The following ADAMTS3 variants were observed in gnomAD, a reference collection of about 807,000 sequenced individuals.
ADAMTS3 encodes the protein A disintegrin and metalloproteinase with thrombospondin motifs 3.
ADAMTS3 carries 73 observed loss-of-function variants against 129.0 expected under a neutral mutation model. That is an observed-to-expected ratio of 0.57 (90% CI 0.47 to 0.69). The LOEUF is 0.69. Among genes scored for constraint, ADAMTS3 ranks in the 30% least tolerant of loss-of-function variants. The probability of loss-of-function intolerance (pLI) is 0.00; values close to 1 mark genes in which losing one functional copy is unlikely to be tolerated. For synonymous variants in ADAMTS3, 477 were observed against 510.8 expected, an observed-to-expected ratio of 0.93 and a Z score of 0.89; for missense variants, 1,457 against 1,514.5, an observed-to-expected ratio of 0.96 and a Z score of 0.63.
intron 4 of ADAMTS3, among the ~76,000 whole-genome samples, chr4:72,367,657 T>C (rs1720901695): frequency 6.6e-6 from 1 of 152,140 alleles, no homozygotes; most frequent in Non-Finnish European, 1.5e-5. Context: ...AAGACCATCC[T>C]GGCTAACATG....
At position 72,283,242 on chromosome 4, in the gene ADAMTS3, G is replaced by A. The variant is rs1188405174; in HGVS notation, c.3512C>T (p.Ala1171Val). The A allele has an allele frequency of 2.5e-6, 4 of 1,614,008 alleles. No homozygotes were observed. The highest frequency in any genetic ancestry group is 2.2e-5 in the East Asian group (1 of 44,862). The change falls in exon 22 of 22, where the codon GCA becomes GTA. Residue 1171 changes from alanine (A) to valine (V), a missense_variant. Physicochemically the swap from Ala to Val is moderately conservative, Grantham distance 64. Transcript: ENST00000286657. ...AGAAGCACCTATTGAATCACTGGCT[G>A]CAAAGAAGGAAGCAGCAGCCATTTG... ...ASQMAAASFF[A>V]ASDSIGASSQ...
At chr4:72,350,991 T>C (rs1402823548) in intron 4 of ADAMTS3, among the ~76,000 whole-genome samples, 1 of 151,900 alleles carries the variant, frequency 6.6e-6, no homozygotes, top group African/African-American at 2.4e-5. Flanking sequence ...AGCTCTGGCT[T>C]CTCAACTCTG....
At chr4:72,554,632 A>T (rs1160471436) in intron 2 of ADAMTS3, among the ~76,000 whole-genome samples, 1 of 149,410 alleles carries the variant, frequency 6.7e-6, no homozygotes, top group Non-Finnish European at 1.5e-5. Flanking sequence ...ATATGACATC[A>T]TTCAAGTCCT....
chr4:72,480,466 G>A (rs1179949389), intron 3 of ADAMTS3, among the ~76,000 whole-genome samples: 1 of 151,586 alleles, frequency 6.6e-6, no homozygotes, highest in Non-Finnish European at 1.5e-5. Context: ...AACACCACAT[G>A]TTCTCAATCA....
At chr4:72,358,145 TG>T (rs1291088187) in intron 4 of ADAMTS3, among the ~76,000 whole-genome samples, 2 of 151,978 alleles carry the variant, frequency 1.3e-5, no homozygotes, top group African/African-American at 4.8e-5. Flanking sequence ...GCCAGCTTTT[TG>T]CCAAAGATGC....
At chr4:72,437,074 G>T (rs1028639212) in intron 3 of ADAMTS3, among the ~76,000 whole-genome samples, 15 of 151,758 alleles carry the variant, frequency 9.9e-5, no homozygotes, top group African/African-American at 3.6e-4. Flanking sequence ...TGTTGAGTTT[G>T]CTCAAACTAT....
chr4:72,295,774 G>A lies in ADAMTS3; in HGVS notation c.2603C>T (p.Thr868Ile). ...SKPCGGGFQY[T>I]KYGCRRKSDN... is the part of the protein sequence containing the mutation. ...ACTTTTCCTACGGCATCCATATTTA[G>A]TGTACTGGAAACCTGGAAAAGGAAA... The change falls in exon 19 of 22, where the codon ACT becomes ATT. Residue 868 changes from threonine (T) to isoleucine (I), a missense_variant. By Grantham distance (89) the Thr-to-Ile change is moderately conservative. Coordinates refer to ENST00000286657, the MANE Select transcript of ADAMTS3 (RefSeq NM_014243.3). 6.2e-7 allele frequency: 1 copy of A among 1,612,018 alleles called. No homozygotes were observed. The highest frequency in any genetic ancestry group is 8.5e-7 in the Non-Finnish European group (1 of 1,178,798).
At chr4:72,508,313 G>A (rs1009899648) in intron 3 of ADAMTS3, among the ~76,000 whole-genome samples, 2 of 152,030 alleles carry the variant, frequency 1.3e-5, no homozygotes, top group African/African-American at 4.8e-5. Context: ...AGACTGAATG[G>A]AAGAGTTAAA....
intron 4 of ADAMTS3, among the ~76,000 whole-genome samples, chr4:72,365,025 G>A (rs1578617526): frequency 6.6e-6 from 1 of 152,284 alleles, no homozygotes; most frequent in East Asian, 1.9e-4. Context: ...TTTCATTCCT[G>A]TTTGCATCTG....
intron 3 of ADAMTS3, among the ~76,000 whole-genome samples, chr4:72,469,526 G>C (rs913712891): frequency 3.9e-5 from 6 of 152,090 alleles, no homozygotes; most frequent in Non-Finnish European, 7.4e-5. Flanking sequence ...AATAAAATCA[G>C]TGTCCTTTCC....
chr4:72,283,361 C>A lies in ADAMTS3; in HGVS notation c.3393G>T (p.Gln1131His). Reference protein sequence around the residue: ...NSKPDGANLRQRSAQQAGSKT... With the variant: ...NSKPDGANLRHRSAQQAGSKT... ...TACTTCCTGCTTGCTGAGCACTCCT[C>A]TGGCGTAAATTAGCACCATCAGGTT... The change falls in exon 22 of 22, where the codon CAG becomes CAT. Residue 1131 changes from glutamine to histidine, a missense_variant. Coordinates refer to ENST00000286657, the MANE Select transcript of ADAMTS3 (RefSeq NM_014243.3). 5.0e-6 allele frequency: 8 copies of A among 1,613,630 alleles called. No homozygotes were observed. The highest frequency in any genetic ancestry group is 6.8e-6 in the Non-Finnish European group (8 of 1,179,618).
At chr4:72,507,495 T>A (rs1720193941) in intron 3 of ADAMTS3, among the ~76,000 whole-genome samples, 3 of 152,216 alleles carry the variant, frequency 2.0e-5, no homozygotes. Flanking sequence ...CAGTTCTTGC[T>A]CTTGAAGCTT....
At chr4:72,455,488 TG>T (rs1297979438) in intron 3 of ADAMTS3, among the ~76,000 whole-genome samples, 1 of 151,136 alleles carries the variant, frequency 6.6e-6, no homozygotes, top group Non-Finnish European at 1.5e-5. Context: ...TGGGGAACTA[TG>T]GGAGCGATAG....
At chr4:72,514,064 CCTT>C (rs765878072) in intron 3 of ADAMTS3, among the ~76,000 whole-genome samples, 46 of 152,226 alleles carry the variant, frequency 3.0e-4, no homozygotes, top group African/African-American at 4.6e-4. Context: ...TCATCTCTCT[CCTT>C]CTTCCTCACC....
rs556919411 is a variant in ADAMTS3 at position 72,394,871 on chromosome 4, G to A, written c.661+19944C>T. Among the ~76,000 whole-genome samples the A allele has an allele frequency of 2.6e-5, 4 of 151,444 alleles. No individual in the cohort carries two copies. In the South Asian group the frequency reaches 6.3e-4, roughly 24 times the overall value. Reference sequence around the variant, plus strand: ...TAGTTTCATAGGCAACATATGGTATGACGTGAATAAAATCCATTTCTCACC... The same window carrying A: ...TAGTTTCATAGGCAACATATGGTATAACGTGAATAAAATCCATTTCTCACC... On this transcript the variant is annotated intron_variant, in intron 4 of 21. Coordinates refer to ENST00000286657, the MANE Select transcript of ADAMTS3 (RefSeq NM_014243.3).
At chr4:72,486,154 G>A (rs892692386) in intron 3 of ADAMTS3, among the ~76,000 whole-genome samples, 1 of 152,154 alleles carries the variant, frequency 6.6e-6, no homozygotes, top group Admixed American at 6.5e-5. Context: ...AAACCAGACT[G>A]AAAAACTTCT....
intron 3 of ADAMTS3, chr4:72,442,049 G>A (rs151141064): frequency 2.0e-5 from 3 of 151,908 alleles, no homozygotes; most frequent in African/African-American, 4.8e-5. Flanking sequence ...GCTCCACAAT[G>A]TCTGAAGACT....
chr4:72,298,243 A>C, intron 18 of ADAMTS3, 34 bp downstream of exon 18: 1 of 1,579,090 alleles, frequency 6.3e-7, no homozygotes, highest in Non-Finnish European at 8.6e-7. Flanking sequence ...TATATGCATT[A>C]CATTTTAATA....
chr4:72,471,989 C>G (rs1166796652), intron 3 of ADAMTS3, among the ~76,000 whole-genome samples: 3 of 151,954 alleles, frequency 2.0e-5, no homozygotes, highest in Non-Finnish European at 4.4e-5. Context: ...GATCACTTCT[C>G]CCTCAGTTGG....
Sources: gnomAD v4.1 joint callset for allele counts (sites outside exome capture counted in the v4.1 genomes callset) on GRCh38, gnomAD v4.1.1 for gene constraint, MANE v1.5 for transcripts, NCBI Gene and HGNC (gene_info 2026-07-23, HGNC 2026-07-21) for gene names.